Variants in SYCP1 observed in about 807,000 individuals in gnomAD.
SYCP1 encodes cancer/testis antigen 8.
Under a neutral mutation model 153.1 loss-of-function variants are expected in SYCP1, and 64 were observed. The ratio of observed to expected loss-of-function variants is 0.42; its 90% CI spans 0.34 to 0.51. The LOEUF (loss-of-function observed/expected upper bound fraction) is 0.51, where lower values mean the gene tolerates loss of function less well. Among genes scored for constraint, SYCP1 ranks in the 20% least tolerant of loss-of-function variants. The pLI is 0.06. For synonymous variants in SYCP1, 384 were observed against 341.8 expected (o/e 1.12, Z -1.36); for missense variants, 997 against 1,049.0 (o/e 0.95, Z 0.68).
chr1:114,976,267 G>A (rs1353972241), intron 27 of SYCP1, among the ~76,000 whole-genome samples: 2 of 151,738 alleles, frequency 1.3e-5, no homozygotes, highest in East Asian at 1.9e-4. Flanking sequence ...CCAAAATTTG[G>A]TTACAAGGTT....
chr1:114,991,428 T>A (rs370890827), intron 30 of SYCP1, among the ~76,000 whole-genome samples: 1 of 151,840 alleles, frequency 6.6e-6, no homozygotes, highest in Non-Finnish European at 1.5e-5. Flanking sequence ...GCGAATCAAA[T>A]TCAATAGCAT....
In SYCP1 at chr1:114,951,082, C is replaced by T. The variant is rs191833050; in HGVS notation, c.2322+3762C>T. ...CTTGTGATCCGCCCGCCTCAGCCCC[C>T]CAAAGTGCTGGGATTACAGGCGTGA... On this transcript the variant is annotated intron_variant, in intron 27 of 31. Transcript: ENST00000369522. 6.7e-4 allele frequency among the ~76,000 whole-genome samples: 102 copies of T among 152,264 alleles called. No individual in the cohort carries two copies. The East Asian group carries it at 0.011, about 16-fold the overall frequency.
chr1:114,910,165 T>A (rs926626701), intron 16 of SYCP1: 1 of 275,668 alleles, frequency 3.6e-6, no homozygotes. Flanking sequence ...TGATGAGAAA[T>A]TAATCATCTG....
chr1:114,923,705 A>G lies in SYCP1; in HGVS notation c.1800+175A>G, dbSNP rs77694069. ...GAAAGGTTGGATTATTTTACTATTG[A>G]TATCTATATCTAGAAGAAATAGTGG... On this transcript the variant is annotated intron_variant, in intron 21 of 31. Coordinates refer to ENST00000369522, the MANE Select transcript of SYCP1 (RefSeq NM_003176.4). The G allele has an allele frequency of 7.6e-4, 359 of 473,530 alleles. 7 individuals carry two copies. In the East Asian group the frequency reaches 0.016, roughly 21 times the overall value. 29.3% of individuals were successfully genotyped at this position (473,530 alleles called of 1,614,324 possible).
chr1:114,957,153 C>G (rs890888173), intron 27 of SYCP1, among the ~76,000 whole-genome samples: 2 of 152,140 alleles, frequency 1.3e-5, no homozygotes, highest in Non-Finnish European at 2.9e-5. Flanking sequence ...GAATCTCCAA[C>G]TCCTGGGTTC....
intron 8 of SYCP1, among the ~76,000 whole-genome samples, chr1:114,871,417 C>T (rs1204500015): frequency 6.6e-6 from 1 of 152,086 alleles, no homozygotes; most frequent in Non-Finnish European, 1.5e-5. Flanking sequence ...ATTCACCCTC[C>T]TCCACCTCCC....
At chr1:114,945,158 C>A (rs1670629624) in intron 25 of SYCP1, among the ~76,000 whole-genome samples, 176 bp downstream of exon 25, 1 of 151,952 alleles carries the variant, frequency 6.6e-6, no homozygotes, top group African/African-American at 2.4e-5. Context: ...AGATCTTAAC[C>A]ATACAAAGTT....
intron 16 of SYCP1, among the ~76,000 whole-genome samples, chr1:114,907,138 C>G (rs1667863492): frequency 6.6e-6 from 1 of 152,074 alleles, no homozygotes; most frequent in Non-Finnish European, 1.5e-5. Context: ...ATTATTATAG[C>G]CACTCCATGT....
At chr1:114,910,334 A>G in intron 16 of SYCP1, 63 bp from the exon 17 acceptor site, 1 of 1,130,200 alleles carries the variant, frequency 8.8e-7, no homozygotes, top group Non-Finnish European at 1.3e-6. Context: ...CCATTTGGGC[A>G]GTTTGATTAC....
chr1:114,855,708 C>T (rs1399545139), intron 2 of SYCP1, 136 bp downstream of exon 2: 1 of 655,684 alleles, frequency 1.5e-6, no homozygotes, highest in Middle Eastern at 3.8e-4. Context: ...ATTTTGAATC[C>T]CATTGCTTTA....
In SYCP1 at chr1:114,944,898, T is replaced by G. The variant is rs1481012028; in HGVS notation, c.2070T>G (p.Asp690Glu). 1 of 1,602,122 alleles carries G rather than the reference T, an allele frequency of 6.2e-7. No individual in the cohort carries two copies. Among genetic ancestry groups the G allele is most frequent in the Non-Finnish European group, 8.5e-7 (1 of 1,175,650 alleles). ...EEVEKAKVIA[D>E]EAVKLQKEID... ...TTGAGAAAGCAAAAGTAATAGCTGA[T>G]GAAGCAGTAAAATTACAGAAAGAAA... Residue 690 changes from aspartate to glutamate, a missense_variant, in exon 25 of 32, where the codon GAT becomes GAG. Transcript: ENST00000369522.
At chr1:114,914,090 G>T (rs1183923035) in intron 20 of SYCP1, 45 bp downstream of exon 20, 7 of 1,411,816 alleles carry the variant, frequency 5.0e-6, no homozygotes, top group East Asian at 2.4e-5. Flanking sequence ...AAAAGATTTT[G>T]ATATTTCTTT....
chr1:114,967,436 T>A (rs1223549941), intron 27 of SYCP1, among the ~76,000 whole-genome samples: 1 of 152,252 alleles, frequency 6.6e-6, no homozygotes, highest in Non-Finnish European at 1.5e-5. Context: ...ATGCCCTTCT[T>A]TGTCTTTTTT....
rs183178681 is a variant in SYCP1 at position 114,929,356 on chromosome 1, A to T, written c.1926+2793A>T. Among the ~76,000 whole-genome samples the T allele has an allele frequency of 5.2e-3, 791 of 152,228 alleles. 12 individuals carry two copies. The highest frequency in any genetic ancestry group is 5.6e-3 in the Non-Finnish European group (382 of 67,986). On this transcript the variant is annotated intron_variant, in intron 23 of 31. Coordinates refer to ENST00000369522, the MANE Select transcript of SYCP1 (RefSeq NM_003176.4). ...TGATCTGAACTCAAGCATATCAATA[A>T]TTATATTAAATGTGAATGGACAAAT...
At position 114,887,667 on chromosome 1, in the gene SYCP1, A is replaced by G. The variant is rs1228641870; in HGVS notation, c.1232A>G (p.Glu411Gly). 1.3e-6 allele frequency: 2 copies of G among 1,561,914 alleles called. No homozygotes were observed. The highest frequency in any genetic ancestry group is 1.7e-6 in the Non-Finnish European group (2 of 1,150,922). Residue 411 changes from glutamate to glycine, a missense_variant, in exon 15 of 32, where the codon GAG becomes GGG. Around this residue, in one of 2 missense-constraint regions of SYCP1, gnomAD observed 712 missense variants for 682.9 expected, o/e 1.04. Transcript: ENST00000369522. ...GATCAATTGAAAATACTTACCATGG[A>G]GCTTCAAAAGAAATCAAGTGAGCTG... ...NEDQLKILTMELQKKSSELEE... is the reference protein window; with the variant it reads ...NEDQLKILTMGLQKKSSELEE...
intron 18 of SYCP1, 100 bp from the exon 19 acceptor site, chr1:114,912,933 G>T: frequency 1.3e-6 from 1 of 757,328 alleles, no homozygotes; most frequent in Non-Finnish European, 2.1e-6. Context: ...TTTTCCCCCA[G>T]CCCTTCATCC....
chr1:114,911,656 G>C, intron 18 of SYCP1, 74 bp downstream of exon 18: 27 of 624,636 alleles, frequency 4.3e-5, no homozygotes, highest in Non-Finnish European at 6.3e-5. Context: ...TAATAATTTA[G>C]TAAATTATAT....
At chr1:114,868,882 G>A (rs1337692312) in intron 8 of SYCP1, among the ~76,000 whole-genome samples, 1 of 152,160 alleles carries the variant, frequency 6.6e-6, no homozygotes, top group East Asian at 1.9e-4. Flanking sequence ...GAGGTTTGTA[G>A]TGATGTCTCC....
intron 27 of SYCP1, among the ~76,000 whole-genome samples, chr1:114,974,544 C>G (rs1441548288): frequency 4.6e-5 from 7 of 151,690 alleles, no homozygotes; most frequent in Non-Finnish European, 1.0e-4. Flanking sequence ...TTTGCACATC[C>G]TGTTTCTGAT....
Sources: gnomAD v4.1 joint callset for allele counts (sites outside exome capture counted in the v4.1 genomes callset) on GRCh38, gnomAD v4.1.1 for gene constraint, gnomAD v4.1.1 regional missense constraint, MANE v1.5 for transcripts, NCBI Gene and HGNC (gene_info 2026-07-23, HGNC 2026-07-21) for gene names.